Variants in RNASEH1 observed in about 807,000 individuals in gnomAD.
RNASEH1 encodes ribonuclease H type II.
In RNASEH1, 27 loss-of-function variants were observed where a neutral mutation model predicts 34.6. The observed-to-expected ratio is 0.78, with a 90% CI of 0.58 to 1.08. The LOEUF (loss-of-function observed/expected upper bound fraction) is 1.08, where lower values mean the gene tolerates loss of function less well. Among genes scored for constraint, RNASEH1 ranks in the 50% least tolerant of loss-of-function variants. The pLI, the probability that RNASEH1 is intolerant of heterozygous loss-of-function variation, is 0.00. For synonymous variants in RNASEH1, 162 were observed against 138.4 expected (o/e 1.17, Z -1.20); for missense variants, 349 against 373.6 (o/e 0.93, Z 0.54).
intron 4 of RNASEH1, 99 bp from the exon 5 acceptor site, chr2:3,549,211 G>C: frequency 1.1e-6 from 1 of 948,894 alleles, no homozygotes; most frequent in Non-Finnish European, 1.7e-6. Flanking sequence ...ATTCTTATTT[G>C]AAATATAAAA....
chr2:3,540,831 A>G (rs575339266), downstream of RNASEH1, among the ~76,000 whole-genome samples: 3 of 152,210 alleles, frequency 2.0e-5, no homozygotes, highest in African/African-American at 7.2e-5. Context: ...AGACAGAGGC[A>G]GCAGCAGGAG....
downstream of RNASEH1, among the ~76,000 whole-genome samples, chr2:3,539,797 G>A (rs148061380): frequency 7.2e-5 from 11 of 152,244 alleles, no homozygotes; most frequent in East Asian, 1.4e-3. Flanking sequence ...AATCTACCCC[G>A]AGGCCCTCCT....
intron 2 of RNASEH1, among the ~76,000 whole-genome samples, chr2:3,553,247 C>CAA (rs997242631): frequency 7.4e-6 from 1 of 135,442 alleles, no homozygotes; most frequent in Admixed American, 7.4e-5. Flanking sequence ...GACTCTGTCT[C>CAA]AAAAAAAAAA....
rs1272233303 is a variant in RNASEH1 at position 3,544,906 on chromosome 2, C to G, written c.*879G>C. On this transcript the variant is annotated 3_prime_UTR_variant, in exon 8 of 8. Coordinates refer to ENST00000315212, the MANE Select transcript of RNASEH1 (RefSeq NM_002936.6). The stretch of plus-strand genomic sequence containing the variant: ...TCTTGTGCCTCAGCCTCCCAAGTAG[C>G]TGGGACTACAAGCCCGTGCCACCAC... 5 of 151,768 alleles carry G rather than the reference C, an allele frequency of 3.3e-5. No homozygotes were observed. Among genetic ancestry groups the G allele is most frequent in the Admixed American group, 2.6e-4 (4 of 15,222 alleles). 9.4% of individuals were successfully genotyped at this position (151,768 alleles called of 1,614,324 possible). A position where few individuals can be genotyped will look rare whatever the true frequency, so the allele number is the denominator to read the frequency against.
At chr2:3,553,578 G>C (rs894980204) in intron 2 of RNASEH1, among the ~76,000 whole-genome samples, 19 of 118,758 alleles carry the variant, frequency 1.6e-4, no homozygotes, top group Non-Finnish European at 2.2e-4. Context: ...TTTTAGTAGA[G>C]ATGGGGGTTT....
intron 6 of RNASEH1, 101 bp downstream of exon 6, chr2:3,548,539 T>TC: frequency 2.8e-6 from 2 of 715,666 alleles, no homozygotes; most frequent in Non-Finnish European, 4.8e-6. Context: ...ACCAATGTCA[T>TC]CCCCCCGTTC....
intron 4 of RNASEH1, 158 bp downstream of exon 4, chr2:3,550,215 G>A (rs1421692284): frequency 6.9e-5 from 40 of 580,972 alleles, no homozygotes; most frequent in East Asian, 4.5e-4. Flanking sequence ...AAGCAATGCC[G>A]CTTAGCCCCA....
the RNASEH1 span, chr2:3,532,230 G>A: frequency 2.8e-5 from 20 of 701,978 alleles, no homozygotes; most frequent in African/African-American, 2.8e-4. Flanking sequence ...CATTCACTCC[G>A]TCTGCAAACA....
At chr2:3,532,441 C>T in the RNASEH1 span, 2 of 684,234 alleles carry the variant, frequency 2.9e-6, no homozygotes, top group Middle Eastern at 2.3e-4. Flanking sequence ...CAAGGGGCCC[C>T]GTTACTCAGC....
At chr2:3,552,507 C>A (rs1199786347) in intron 2 of RNASEH1, among the ~76,000 whole-genome samples, 199 bp from the exon 3 acceptor site, 2 of 128,254 alleles carry the variant, frequency 1.6e-5, no homozygotes, top group African/African-American at 6.7e-5. Context: ...TCTCCACCCC[C>A]TCCACACCAC....
chr2:3,557,813 T>C, intron 1 of RNASEH1: 1 of 1,241,218 alleles, frequency 8.1e-7, no homozygotes, highest in Non-Finnish European at 1.1e-6. Context: ...GGGTTCGTTC[T>C]GATTACGTGT....
At chr2:3,539,486 T>C (rs1216621038), downstream of RNASEH1, among the ~76,000 whole-genome samples, 1 of 152,186 alleles carries the variant, frequency 6.6e-6, no homozygotes, top group African/African-American at 2.4e-5. Flanking sequence ...CCAATTCCTG[T>C]CTCTCAATGG....
chr2:3,537,613 CA>C (rs1428806871), downstream of RNASEH1, among the ~76,000 whole-genome samples: 1 of 152,030 alleles, frequency 6.6e-6, no homozygotes, highest in Admixed American at 6.6e-5. Flanking sequence ...CCCAGCTACT[CA>C]GGAGGCTGAG....
chr2:3,548,224 AC>A (rs1668939244), intron 6 of RNASEH1, among the ~76,000 whole-genome samples, 169 bp from the exon 7 acceptor site: 1 of 151,892 alleles, frequency 6.6e-6, no homozygotes, highest in Non-Finnish European at 1.5e-5. Context: ...AGCCTGAAAT[AC>A]CCTCCTCTCT....
At chr2:3,554,959 G>A (rs746281882) in intron 2 of RNASEH1, among the ~76,000 whole-genome samples, 1 of 152,220 alleles carries the variant, frequency 6.6e-6, no homozygotes, top group Non-Finnish European at 1.5e-5. Context: ...TATCGTATAG[G>A]CCGAGTGAAC....
At chr2:3,546,507 T>C (rs1211202886) in intron 7 of RNASEH1, among the ~76,000 whole-genome samples, 1 of 152,218 alleles carries the variant, frequency 6.6e-6, no homozygotes, top group South Asian at 2.1e-4. Context: ...CAAAATACAC[T>C]GATAGTTTTA....
intron 7 of RNASEH1, 37 bp from the exon 8 acceptor site, chr2:3,545,908 T>G: frequency 7.0e-7 from 1 of 1,430,684 alleles, no homozygotes; most frequent in Admixed American, 1.7e-5. Flanking sequence ...TTTTTACTCA[T>G]CTTTACATAA....
Position 3,545,820 on chromosome 2 carries a change from ATC to A in RNASEH1, c.824_825del (p.Arg275IlefsTer7). On this transcript the variant is annotated frameshift_variant, in exon 8 of 8. Coordinates refer to ENST00000315212, the MANE Select transcript of RNASEH1 (RefSeq NM_002936.6). LOFTEE classifies it high-confidence loss of function. Reference sequence around the variant, plus strand: ...GATTGTTTAGCTCCTTCTCTGGCTAATCTGTCAGCTTCTTCATTGCCTATAAA... The same window carrying A: ...GATTGTTTAGCTCCTTCTCTGGCTAATGTCAGCTTCTTCATTGCCTATAAA... ...SGFIGNEEADRLAREGAKQSE... is the reference protein window; with the variant it reads ...SGFIGNEEADXLAREGAKQSE... The A allele has an allele frequency of 6.2e-7, 1 of 1,613,948 alleles. No individual in the cohort carries two copies. The highest frequency in any genetic ancestry group is 1.7e-4 in the Middle Eastern group (1 of 6,060).
the RNASEH1 span, among the ~76,000 whole-genome samples, chr2:3,535,462 TTTATG>T: frequency 4.0e-5 from 6 of 150,890 alleles, no homozygotes; most frequent in Non-Finnish European, 5.9e-5. Flanking sequence ...AGATGTTAAC[TTTATG>T]TTATGTATAT....
Sources: gnomAD v4.1 joint callset for allele counts (sites outside exome capture counted in the v4.1 genomes callset) on GRCh38, gnomAD v4.1.1 for gene constraint, MANE v1.5 for transcripts, NCBI Gene and HGNC (gene_info 2026-07-23, HGNC 2026-07-21) for gene names.